The following ADGRD1 variants were observed in gnomAD, a reference collection of about 807,000 sequenced individuals.
ADGRD1 encodes the protein adhesion G protein-coupled receptor D1.
In ADGRD1, 77 loss-of-function variants were observed where a neutral mutation model predicts 113.4. The ratio of observed to expected loss-of-function variants is 0.68; its 90% CI spans 0.57 to 0.82. The LOEUF (loss-of-function observed/expected upper bound fraction) is 0.82. ADGRD1 is among the 40% of genes least tolerant of loss of function. The pLI is 0.00. For missense variants in ADGRD1, 1,036 were observed against 1,139.1 expected (o/e 0.91, Z 1.30); for synonymous variants, 474 against 475.0 (o/e 1.00, Z 0.03).
At chr12:131,042,405 G>C (rs1022290108) in intron 13 of ADGRD1, among the ~76,000 whole-genome samples, 1 of 152,208 alleles carries the variant, frequency 6.6e-6, no homozygotes, top group Non-Finnish European at 1.5e-5. Flanking sequence ...TGAGCCAAGA[G>C]GAATGTTCCA....
intron 2 of ADGRD1, among the ~76,000 whole-genome samples, chr12:130,961,301 C>T (rs1394151623): frequency 1.3e-5 from 2 of 152,214 alleles, no homozygotes; most frequent in South Asian, 2.1e-4. Context: ...CTGACACACG[C>T]ACACACCAAA....
At chr12:130,982,102 G>A (rs755200416) in intron 5 of ADGRD1, 39 bp downstream of exon 5, 14 of 1,545,752 alleles carry the variant, frequency 9.1e-6, no homozygotes, top group South Asian at 8.0e-5. Context: ...TCTGCCTGGA[G>A]GAGTGGAGTC....
chr12:131,010,069 C>T (rs1322282606), intron 12 of ADGRD1, among the ~76,000 whole-genome samples: 3 of 152,206 alleles, frequency 2.0e-5, no homozygotes, highest in Non-Finnish European at 1.5e-5. Flanking sequence ...TGGGCAGCAT[C>T]GGTGCTGAGG....
chr12:131,094,559 A>G (rs1339972505), intron 15 of ADGRD1, among the ~76,000 whole-genome samples: 1 of 149,294 alleles, frequency 6.7e-6, no homozygotes, highest in African/African-American at 2.4e-5. Flanking sequence ...AGGAGTAACA[A>G]GGAAGTTGGT....
intron 13 of ADGRD1, among the ~76,000 whole-genome samples, chr12:131,037,127 C>G (rs1881552863): frequency 6.9e-6 from 1 of 144,060 alleles, no homozygotes; most frequent in South Asian, 2.3e-4. Context: ...GGGCCTCACT[C>G]ACTGCACCGG....
chr12:130,998,111 C>T (rs564669419), intron 8 of ADGRD1, among the ~76,000 whole-genome samples: 4 of 150,970 alleles, frequency 2.6e-5, no homozygotes, highest in East Asian at 2.0e-4. Context: ...TGCAGTGAGC[C>T]GAGATGGCAG....
At chr12:130,987,544 G>A in intron 6 of ADGRD1, 195 bp downstream of exon 6, 1 of 607,386 alleles carries the variant, frequency 1.6e-6, no homozygotes, top group Non-Finnish European at 2.9e-6. Context: ...TAATTTACTA[G>A]AGATGCTTTG....
chr12:131,037,246 GAGCCTCACTCACTACACCA>G (rs1303976814), intron 13 of ADGRD1, among the ~76,000 whole-genome samples: 5 of 135,912 alleles, frequency 3.7e-5, no homozygotes, highest in African/African-American at 1.1e-4. Flanking sequence ...TCACTGCACT[GAGCCTCACTCACTACACCA>G]GGTCTCAGTC....
intron 13 of ADGRD1, among the ~76,000 whole-genome samples, chr12:131,038,461 C>T (rs1476613161): frequency 1.3e-5 from 2 of 152,260 alleles, no homozygotes; most frequent in African/African-American, 4.8e-5. Context: ...ACGAGCCCTG[C>T]TTATTCCCAC....
At chr12:130,981,543 G>A (rs1872994830) in intron 4 of ADGRD1, among the ~76,000 whole-genome samples, 1 of 152,114 alleles carries the variant, frequency 6.6e-6, no homozygotes, top group Non-Finnish European at 1.5e-5. Context: ...TGGGGGCGGG[G>A]AACTGCCTGG....
At chr12:131,107,645 G>A (rs1406238936) in intron 17 of ADGRD1, among the ~76,000 whole-genome samples, 3 of 152,236 alleles carry the variant, frequency 2.0e-5, no homozygotes, top group Admixed American at 2.0e-4. Context: ...GATTGTAATG[G>A]TTGGTCCCAC....
chr12:131,137,158 G>T, intron 23 of ADGRD1, 144 bp downstream of exon 23: 2 of 721,948 alleles, frequency 2.8e-6, no homozygotes, highest in South Asian at 1.5e-5. Flanking sequence ...ATGCCAAGTT[G>T]TGTGCCCTGG....
intron 13 of ADGRD1, among the ~76,000 whole-genome samples, chr12:131,028,363 T>C (rs1169043194): frequency 3.3e-5 from 5 of 152,348 alleles, no homozygotes; most frequent in Admixed American, 2.0e-4. Context: ...ATTTGTTTGA[T>C]ATACGTATTG....
intron 14 of ADGRD1, among the ~76,000 whole-genome samples, chr12:131,082,541 G>A (rs948700299): frequency 4.6e-5 from 7 of 152,098 alleles, no homozygotes; most frequent in Non-Finnish European, 8.8e-5. Flanking sequence ...GCTCATACCC[G>A]TGGCTACGTT....
intron 13 of ADGRD1, among the ~76,000 whole-genome samples, chr12:131,030,384 G>A (rs1880561217): frequency 1.3e-5 from 2 of 152,218 alleles, no homozygotes; most frequent in African/African-American, 4.8e-5. Flanking sequence ...CTGTGCCGCT[G>A]AAATTGTTGG....
At chr12:131,008,695 G>A (rs559076585) in intron 12 of ADGRD1, among the ~76,000 whole-genome samples, 1 of 152,346 alleles carries the variant, frequency 6.6e-6, no homozygotes, top group Admixed American at 6.5e-5. Context: ...CGCAATGATG[G>A]AGACTGTTCA....
chr12:131,123,786 C>T (rs1326251228), intron 20 of ADGRD1, among the ~76,000 whole-genome samples: 1 of 150,494 alleles, frequency 6.6e-6, no homozygotes, highest in African/African-American at 2.4e-5. Context: ...TGCGCCACTG[C>T]ACTCCATCCA....
chr12:131,039,533 C>T (rs1341510159), intron 13 of ADGRD1, among the ~76,000 whole-genome samples: 1 of 152,250 alleles, frequency 6.6e-6, no homozygotes, highest in East Asian at 1.9e-4. Flanking sequence ...CTGCAGGGAG[C>T]TCTGACAAGG....
chr12:131,066,368 T>C (rs1884720112), intron 13 of ADGRD1, among the ~76,000 whole-genome samples: 1 of 152,108 alleles, frequency 6.6e-6, no homozygotes, highest in Non-Finnish European at 1.5e-5. Flanking sequence ...TCCATCAGGA[T>C]GTTTAGGGCT....
Sources: gnomAD v4.1 joint callset for allele counts (sites outside exome capture counted in the v4.1 genomes callset) on GRCh38, gnomAD v4.1.1 for gene constraint, MANE v1.5 for transcripts, NCBI Gene and HGNC (gene_info 2026-07-23, HGNC 2026-07-21) for gene names.